Variants in RYR2 observed in about 807,000 individuals in gnomAD.
RYR2 encodes ryanodine receptor 2.
A neutral mutation model predicts 601.1 loss-of-function variants in RYR2; 227 were observed. That is an observed-to-expected ratio of 0.38 (90% CI 0.34 to 0.42). The LOEUF is 0.42. Among genes scored for constraint, RYR2 ranks in the 10% least tolerant of loss-of-function variants. The pLI is 1.00. For synonymous variants in RYR2, 2,223 were observed against 2,175.1 expected, an observed-to-expected ratio of 1.02 and a Z score of -0.61; for missense variants, 4,646 against 6,156.5, an observed-to-expected ratio of 0.75 and a Z score of 8.21.
At chr1:237,088,483 T>A (rs1371262452) in intron 1 of RYR2, among the ~76,000 whole-genome samples, 1 of 152,226 alleles carries the variant, frequency 6.6e-6, no homozygotes, top group Non-Finnish European at 1.5e-5. Context: ...CTGGAATCAA[T>A]GCTTTTCGCA....
chr1:237,334,260 G>A (rs1297402998), intron 3 of RYR2, among the ~76,000 whole-genome samples: 1 of 152,044 alleles, frequency 6.6e-6, no homozygotes, highest in South Asian at 2.1e-4. Flanking sequence ...TGAACATTAC[G>A]ATAACAGAAG....
At chr1:237,663,813 C>T (rs190588313) in intron 56 of RYR2, among the ~76,000 whole-genome samples, 2 of 152,230 alleles carry the variant, frequency 1.3e-5, no homozygotes, top group East Asian at 1.9e-4. Flanking sequence ...GACATGAATC[C>T]TGATTTCAGG....
chr1:237,445,351 T>C, intron 13 of RYR2, 50 bp from the exon 14 acceptor site: 1 of 1,608,218 alleles, frequency 6.2e-7, no homozygotes. Context: ...CTAACTCTAG[T>C]TTGGAAAAGA....
At chr1:237,777,196 C>CT (rs1342384600) in intron 87 of RYR2, among the ~76,000 whole-genome samples, 9 of 152,154 alleles carry the variant, frequency 5.9e-5, no homozygotes, top group Admixed American at 5.9e-4. Context: ...AAGTTTCCCC[C>CT]TTTTCAATTT....
intron 35 of RYR2, among the ~76,000 whole-genome samples, chr1:237,606,321 G>T (rs1162569002): frequency 6.6e-6 from 1 of 152,104 alleles, no homozygotes; most frequent in African/African-American, 2.4e-5. Context: ...ATGGGGAAAC[G>T]ATTCCCTATT....
At chr1:237,354,696 T>C (rs373889014) in intron 3 of RYR2, among the ~76,000 whole-genome samples, 67 of 152,184 alleles carry the variant, frequency 4.4e-4, no homozygotes, top group African/African-American at 1.6e-3. Context: ...TAAAAGGAGA[T>C]CTTCAGCTTT....
At chr1:237,330,189 T>C (rs1696569822) in intron 2 of RYR2, among the ~76,000 whole-genome samples, 1 of 152,232 alleles carries the variant, frequency 6.6e-6, no homozygotes, top group Admixed American at 6.5e-5. Flanking sequence ...TTTATAACTC[T>C]GTGACTTTGG....
intron 29 of RYR2, among the ~76,000 whole-genome samples, chr1:237,580,502 G>A (rs1164701011): frequency 6.6e-6 from 1 of 151,858 alleles, no homozygotes; most frequent in Non-Finnish European, 1.5e-5. Flanking sequence ...TGCCTTAAGG[G>A]GTAATGAAAT....
At chr1:237,421,097 G>C (rs1705518229) in intron 11 of RYR2, among the ~76,000 whole-genome samples, 1 of 152,154 alleles carries the variant, frequency 6.6e-6, no homozygotes, top group Non-Finnish European at 1.5e-5. Context: ...AAGTTAGCCG[G>C]GCGCGGTGGC....
intron 100 of RYR2, among the ~76,000 whole-genome samples, chr1:237,813,127 C>T (rs1399656628): frequency 6.6e-6 from 1 of 152,094 alleles, no homozygotes; most frequent in Non-Finnish European, 1.5e-5. Flanking sequence ...AGCCTTTCTA[C>T]CCTGTGACCC....
intron 1 of RYR2, among the ~76,000 whole-genome samples, chr1:237,209,660 C>T (rs1682349434): frequency 6.6e-6 from 1 of 151,830 alleles, no homozygotes; most frequent in Non-Finnish European, 1.5e-5. Context: ...GGAGACCAGG[C>T]TGGGCAATAT....
At chr1:237,446,015 C>T (rs1323337735) in intron 14 of RYR2, among the ~76,000 whole-genome samples, 2 of 152,084 alleles carry the variant, frequency 1.3e-5, no homozygotes, top group Admixed American at 6.6e-5. Context: ...TAGGGTTTCA[C>T]CATCTTGGCC....
At chr1:237,295,662 C>G (rs992147) in intron 2 of RYR2, among the ~76,000 whole-genome samples, 59,831 of 151,812 alleles carry the variant, frequency 0.39, 12,123 homozygotes, top group African/African-American at 0.48. Flanking sequence ...ATATTTTTAC[C>G]GCTAGAATCT....
intron 2 of RYR2, among the ~76,000 whole-genome samples, chr1:237,276,038 T>A (rs1046494177): frequency 6.6e-6 from 1 of 152,224 alleles, no homozygotes; most frequent in African/African-American, 2.4e-5. Context: ...TTAGAATGCA[T>A]GGGATATAGC....
chr1:237,786,180 G>T, intron 91 of RYR2, 144 bp downstream of exon 91: 1 of 624,554 alleles, frequency 1.6e-6, no homozygotes, highest in Non-Finnish European at 2.8e-6. Context: ...CCGTGGAGAG[G>T]CTCTGACAGC....
In RYR2 at chr1:237,341,956, C is replaced by T. The variant is rs543185246; in HGVS notation, c.273+10974C>T. ...CATAATCACTATTAGTTCCCCCTTT[C>T]GTTGTCCAAAGTGTCCCAGTCTGGA... On this transcript the variant is annotated intron_variant, in intron 3 of 104. Coordinates refer to ENST00000366574, the MANE Select transcript of RYR2 (RefSeq NM_001035.3). Among the ~76,000 whole-genome samples, 7 of 152,280 alleles carry T rather than the reference C, an allele frequency of 4.6e-5. No individual in the cohort carries two copies. The South Asian group carries it at 6.2e-4, about 14-fold the overall frequency.
chr1:237,693,531 A>G (rs1687130687), intron 63 of RYR2, among the ~76,000 whole-genome samples: 1 of 152,230 alleles, frequency 6.6e-6, no homozygotes, highest in Admixed American at 6.5e-5. Context: ...TGATGTTATT[A>G]CAAAAAGCCA....
rs751351873 is a variant in RYR2, at chr1:237,726,252, TAAC to T, written c.10690-19_10690-17del. Reference sequence around the variant, plus strand: ...TGTAGTTTTACTTTTTTAGCTAACATAACATTTTTATTTCTTTCAGAAGTCTAA... The same window carrying T: ...TGTAGTTTTACTTTTTTAGCTAACATATTTTTATTTCTTTCAGAAGTCTAA... On this transcript the variant is annotated intron_variant, in intron 74 of 104. Coordinates refer to ENST00000366574, the MANE Select transcript of RYR2 (RefSeq NM_001035.3). 4 of 1,533,594 alleles carry T rather than the reference TAAC, an allele frequency of 2.6e-6. No homozygotes were observed. Among genetic ancestry groups the T allele is most frequent in the East Asian group, 2.3e-5 (1 of 43,248 alleles). The allele number at this position is 1,533,594 out of a possible 1,614,324, so 95.0% of individuals were successfully genotyped here. A position where few individuals can be genotyped will look rare whatever the true frequency, so the allele number is the denominator to read the frequency against.
intron 16 of RYR2, among the ~76,000 whole-genome samples, chr1:237,464,778 A>G (rs111688695): frequency 1.3e-5 from 2 of 152,214 alleles, no homozygotes; most frequent in Admixed American, 1.3e-4. Flanking sequence ...TTTTCAATTA[A>G]TTCTACATTG....
Sources: gnomAD v4.1 joint callset for allele counts (sites outside exome capture counted in the v4.1 genomes callset) on GRCh38, gnomAD v4.1.1 for gene constraint, MANE v1.5 for transcripts, NCBI Gene and HGNC (gene_info 2026-07-23, HGNC 2026-07-21) for gene names.